The following RAI1 variants were observed in gnomAD, a reference collection of about 807,000 sequenced individuals.
RAI1 encodes retinoic acid-induced protein 1.
RAI1 carries 9 observed loss-of-function variants against 123.8 expected under a neutral mutation model. The ratio of observed to expected loss-of-function variants is 0.07; its 90% confidence interval spans 0.04 to 0.13. The LOEUF (loss-of-function observed/expected upper bound fraction) is 0.13. Among genes scored for constraint, RAI1 ranks in the 10% least tolerant of loss-of-function variants. The pLI, the probability that RAI1 is intolerant of heterozygous loss-of-function variation, is 1.00. For missense variants in RAI1, 2,256 were observed against 2,545.8 expected, an observed-to-expected ratio of 0.89 and a Z score of 2.45; for synonymous variants, 1,231 against 1,127.3, an observed-to-expected ratio of 1.09 and a Z score of -1.84.
chr17:17,739,904 G>A (rs1208246956), intron 2 of RAI1, among the ~76,000 whole-genome samples: 3 of 152,198 alleles, frequency 2.0e-5, no homozygotes, highest in African/African-American at 7.2e-5. Context: ...ATGGAGGGCA[G>A]CGGTGCTCGG....
rs1567928138 is a variant in RAI1 at position 17,797,700 on chromosome 17, G to A, written c.4752G>A (p.Lys1584=). The A allele has an allele frequency of 6.2e-7, 1 of 1,613,488 alleles. No individual in the cohort carries two copies. The highest frequency in any genetic ancestry group is 1.7e-5 in the Admixed American group (1 of 60,032). The stretch of plus-strand genomic sequence containing the variant: ...GCCTCAAGTACATTTCCTCTTGCAA[G>A]CGGCTGAGGTCAGACAGCCGGACCC... ...EIRLKYISSC[K]RLRSDSRTPA... The change falls in exon 3 of 6, where the codon AAG becomes AAA. Residue 1584 remains lysine, a synonymous_variant. Coordinates refer to ENST00000353383, the MANE Select transcript of RAI1 (RefSeq NM_030665.4).
At chr17:17,807,210 G>T (rs1246959664) in intron 4 of RAI1, among the ~76,000 whole-genome samples, 1 of 150,470 alleles carries the variant, frequency 6.6e-6, no homozygotes, top group African/African-American at 2.4e-5. Context: ...CGCTTGGGGT[G>T]CAGGGAGGGC....
rs188202166 is a variant in RAI1 at position 17,768,730 on chromosome 17, G to A, written c.-16-24203G>A. On this transcript the variant is annotated intron_variant, in intron 2 of 5. Transcript: ENST00000353383. Reference sequence around the variant, plus strand: ...ACACAAGACGACTCAGGTTGGAATCGATTGAAACCAAGCCAAGAGCTTGGG... The same window carrying A: ...ACACAAGACGACTCAGGTTGGAATCAATTGAAACCAAGCCAAGAGCTTGGG... 1.8e-3 allele frequency among the ~76,000 whole-genome samples: 279 copies of A among 152,354 alleles called. 3 individuals are homozygous for A. Among genetic ancestry groups the A allele is most frequent in the African/African-American group, 6.2e-3 (257 of 41,592 alleles).
chr17:17,765,797 C>T (rs1200309242), intron 2 of RAI1: 1 of 152,264 alleles, frequency 6.6e-6, no homozygotes. Flanking sequence ...GCTGATCGCT[C>T]ACAGGGGTGG....
chr17:17,809,542 C>A lies in RAI1; in HGVS notation c.5709+103C>A, dbSNP rs2032664546. ...CCCTGGGCCCCCTTGGCTGCGCAGCCCCGCAGGGCCCAGCCCTAGGGGAGG... is the reference window on the plus strand; with the variant it reads ...CCCTGGGCCCCCTTGGCTGCGCAGCACCGCAGGGCCCAGCCCTAGGGGAGG... On this transcript the variant is annotated intron_variant, in intron 5 of 5. Coordinates refer to ENST00000353383, the MANE Select transcript of RAI1 (RefSeq NM_030665.4). The surrounding 1 kb of genome is among the most constrained non-coding windows in gnomAD (Gnocchi z 4.9). 4 of 1,286,380 alleles carry A rather than the reference C, an allele frequency of 3.1e-6. No individual in the cohort carries two copies. Among genetic ancestry groups the A allele is most frequent in the Non-Finnish European group, 4.5e-6 (4 of 893,398 alleles). 79.7% of individuals were successfully genotyped at this position (1,286,380 alleles called of 1,614,324 possible).
rs1464048790 is a variant in RAI1, at chr17:17,796,809, G to T, written c.3861G>T (p.Glu1287Asp). The T allele has an allele frequency of 1.9e-6, 3 of 1,611,018 alleles. No individual in the cohort carries two copies. The African/African-American group carries it at 4.0e-5, about 22-fold the overall frequency. The change falls in exon 3 of 6, where the codon GAG becomes GAT. Residue 1287 changes from glutamate (E) to aspartate (D), a missense_variant. By Grantham distance (45) the Glu-to-Asp change is conservative. This residue lies in a region of RAI1 where 322 missense variants were observed against 358.0 expected (regional missense o/e 0.90). Transcript: ENST00000353383. This position sits in a 1 kb window ranked among gnomAD's most constrained non-coding sequence, Gnocchi z 5.8. ...KKAKPTKGNGEPATKLPPPET... is the reference protein window; with the variant it reads ...KKAKPTKGNGDPATKLPPPET... ...CCAAGCCCACCAAGGGCAATGGCGA[G>T]CCTGCCACAAAGCTCCCACCCCCGG...
At chr17:17,684,684 ATATATATATATATATATATATATG>A (rs886798325) in intron 1 of RAI1, 17 of 44,806 alleles carry the variant, frequency 3.8e-4, no homozygotes, top group African/African-American at 1.3e-3. Flanking sequence ...ATATATATAT[ATATATATATATATATATATATATG>A]TATGTATGTA....
chr17:17,770,291 G>A (rs944874518), intron 2 of RAI1, among the ~76,000 whole-genome samples: 1 of 152,010 alleles, frequency 6.6e-6, no homozygotes, highest in African/African-American at 2.4e-5. Flanking sequence ...GAAGGAGCCT[G>A]TGGCTGGGAG....
At position 17,793,313 on chromosome 17, in the gene RAI1, G is replaced by C; in HGVS notation, c.365G>C (p.Gly122Ala). 6.2e-7 allele frequency: 1 copy of C among 1,612,462 alleles called. No individual in the cohort carries two copies. Among genetic ancestry groups the C allele is most frequent in the Non-Finnish European group, 8.5e-7 (1 of 1,179,736 alleles). ...GGTGAGGAGAGCCTTCAGGCTTGGGGGGCCCCACAGCCACCACCCCCACAG... is the reference window on the plus strand; with the variant it reads ...GGTGAGGAGAGCCTTCAGGCTTGGGCGGCCCCACAGCCACCACCCCCACAG... ...YAGEESLQAW[G>A]APQPPPPQPQ... The change falls in exon 3 of 6, where the codon GGG (glycine) becomes GCG (alanine). Residue 122 changes from glycine to alanine, a missense_variant. By Grantham distance (60) the Gly-to-Ala change is moderately conservative. Transcript: ENST00000353383.
intron 1 of RAI1, among the ~76,000 whole-genome samples, chr17:17,693,471 G>A (rs1479140258): frequency 1.3e-5 from 2 of 152,188 alleles, no homozygotes; most frequent in Non-Finnish European, 2.9e-5. Flanking sequence ...CACCCAACTG[G>A]CACCCTACAT....
At chr17:17,759,366 G>A (rs1324877128) in intron 2 of RAI1, 1 of 152,232 alleles carries the variant, frequency 6.6e-6, no homozygotes, top group African/African-American at 2.4e-5. Flanking sequence ...CTATGGATGC[G>A]TCCGTTGGCA....
At chr17:17,720,396 T>C (rs889537289) in intron 1 of RAI1, among the ~76,000 whole-genome samples, 1 of 152,056 alleles carries the variant, frequency 6.6e-6, no homozygotes, top group Non-Finnish European at 1.5e-5. Flanking sequence ...GGCAGACTCT[T>C]GGTGAAAGGT....
intron 2 of RAI1, chr17:17,779,665 G>C (rs982493416): frequency 6.6e-6 from 1 of 152,048 alleles, no homozygotes; most frequent in African/African-American, 2.4e-5. Context: ...GCAGCCCCAG[G>C]AGCCAAATCC....
At chr17:17,713,237 G>A (rs922357314) in intron 1 of RAI1, among the ~76,000 whole-genome samples, 2 of 152,164 alleles carry the variant, frequency 1.3e-5, no homozygotes, top group Non-Finnish European at 2.9e-5. Flanking sequence ...GGAGCTGGGC[G>A]TGATGGTGCC....
At chr17:17,766,727 T>C (rs933857952) in intron 2 of RAI1, among the ~76,000 whole-genome samples, 1 of 152,194 alleles carries the variant, frequency 6.6e-6, no homozygotes, top group Non-Finnish European at 1.5e-5. Flanking sequence ...GCGGCGGCAC[T>C]GTTAGGCCCC....
At chr17:17,727,847 A>T (rs1003332600) in intron 2 of RAI1, among the ~76,000 whole-genome samples, 5 of 151,672 alleles carry the variant, frequency 3.3e-5, no homozygotes, top group Admixed American at 2.6e-4. Context: ...ACCCCAGGAG[A>T]CCCCCCGGGG....
At chr17:17,791,097 G>C (rs1219810106) in intron 2 of RAI1, among the ~76,000 whole-genome samples, 1 of 152,244 alleles carries the variant, frequency 6.6e-6, no homozygotes, top group Non-Finnish European at 1.5e-5. Flanking sequence ...AAGCGGCTTT[G>C]ATAAGCCGGT....
At chr17:17,766,987 C>T (rs530879889) in intron 2 of RAI1, among the ~76,000 whole-genome samples, 2 of 148,238 alleles carry the variant, frequency 1.3e-5, no homozygotes, top group East Asian at 2.0e-4. Flanking sequence ...GAGGGGAGGG[C>T]GGAGTGGGGC....
intron 2 of RAI1, among the ~76,000 whole-genome samples, chr17:17,754,891 A>C (rs148414329): frequency 6.6e-6 from 1 of 152,220 alleles, no homozygotes; most frequent in African/African-American, 2.4e-5. Context: ...CATTGGGTCC[A>C]TTTTATAGAT....
Sources: gnomAD v4.1 joint callset for allele counts (sites outside exome capture counted in the v4.1 genomes callset) on GRCh38, gnomAD v4.1.1 for gene constraint, gnomAD v4.1.1 regional missense constraint, Gnocchi (gnomAD v3.1) non-coding constraint, MANE v1.5 for transcripts, NCBI Gene and HGNC (gene_info 2026-07-23, HGNC 2026-07-21) for gene names.